COL28A1: variants seen among roughly 807,000 people sequenced by gnomAD.
COL28A1 encodes the protein collagen type XXVIII alpha 1 chain.
A neutral mutation model predicts 150.2 loss-of-function variants in COL28A1; 161 were observed. The observed-to-expected ratio is 1.07, with a 90% CI of 0.94 to 1.22. The LOEUF (loss-of-function observed/expected upper bound fraction) is 1.22, where lower values mean the gene tolerates loss of function less well. Ranked by LOEUF, COL28A1 falls within the 50% of genes most tolerant of loss-of-function variation. COL28A1 has a pLI of 0.00. For synonymous variants in COL28A1, 552 were observed against 469.7 expected (o/e 1.18, Z -2.26); for missense variants, 1,617 against 1,388.3 (o/e 1.16, Z -2.62).
chr7:7,412,715 T>C (rs1369351771), intron 27 of COL28A1, among the ~76,000 whole-genome samples: 1 of 152,064 alleles, frequency 6.6e-6, no homozygotes, highest in Non-Finnish European at 1.5e-5. Flanking sequence ...ACTCAGGAAG[T>C]GGAGAAGCCA....
At chr7:7,428,052 T>C (rs924494441) in intron 25 of COL28A1, among the ~76,000 whole-genome samples, 1 of 152,236 alleles carries the variant, frequency 6.6e-6, no homozygotes, top group African/African-American at 2.4e-5. Flanking sequence ...TTCTGGTTCT[T>C]CATTTCTTCA....
At position 7,460,333 on chromosome 7, in the gene COL28A1, A is replaced by T. The variant is rs1422918939; in HGVS notation, c.1303-4221T>A. ...TTTTAAGATAATATTTTTGAGTGGG[A>T]GCCTAGGGATGGATATACACTTCTA... On this transcript the variant is annotated intron_variant, in intron 15 of 34. Transcript: ENST00000399429. Among the ~76,000 whole-genome samples the T allele has an allele frequency of 2.0e-5, 3 of 151,964 alleles. No homozygotes were observed. In the East Asian group the frequency reaches 5.8e-4, roughly 29 times the overall value.
chr7:7,439,918 GTTT>G (rs1415058660), intron 21 of COL28A1, among the ~76,000 whole-genome samples: 1 of 152,206 alleles, frequency 6.6e-6, no homozygotes, highest in East Asian at 1.9e-4. Flanking sequence ...TACAGGTGAT[GTTT>G]TGTATCTGAT....
downstream of COL28A1, among the ~76,000 whole-genome samples, chr7:7,353,742 T>C (rs914854832): frequency 1.3e-5 from 2 of 152,108 alleles, no homozygotes; most frequent in African/African-American, 4.8e-5. Context: ...ACAACATGCT[T>C]CCATATCAGT....
At chr7:7,435,739 T>C (rs991049666) in intron 23 of COL28A1, among the ~76,000 whole-genome samples, 2 of 152,182 alleles carry the variant, frequency 1.3e-5, no homozygotes, top group Non-Finnish European at 2.9e-5. Flanking sequence ...GACAACTTAG[T>C]ATGGGAGAAT....
chr7:7,369,122 G>C (rs546991652), intron 33 of COL28A1, among the ~76,000 whole-genome samples: 1 of 152,322 alleles, frequency 6.6e-6, no homozygotes, highest in South Asian at 2.1e-4. Context: ...TGAAACCTGA[G>C]CTTGCTCTTG....
chr7:7,382,234 C>T (rs1297003942), intron 27 of COL28A1, among the ~76,000 whole-genome samples: 3 of 151,754 alleles, frequency 2.0e-5, no homozygotes, highest in African/African-American at 7.3e-5. Context: ...TGCTTGAACC[C>T]AGGAGGCAGA....
chr7:7,338,388 T>C, the COL28A1 span, among the ~76,000 whole-genome samples: 1 of 152,118 alleles, frequency 6.6e-6, no homozygotes, highest in Non-Finnish European at 1.5e-5. Flanking sequence ...GTTTTGTCGT[T>C]CTCCTTGTAA....
Position 7,532,757 on chromosome 7 carries a change from AC to A in COL28A1, c.118del (p.Val40SerfsTer8). ...AACAATTTTTTTTTTTTTACCCTGG[AC>A]ATCACTTTTCCTTGCAAGCAAATTT... ...KSNLLARKSD[V>X]QGSICFIDIV... On this transcript the variant is annotated frameshift_variant, in exon 2 of 35. Transcript: ENST00000399429. LOFTEE classifies it high-confidence loss of function. The A allele has an allele frequency of 3.7e-6, 6 of 1,604,448 alleles. No individual in the cohort carries two copies. Among genetic ancestry groups the A allele is most frequent in the Non-Finnish European group, 5.1e-6 (6 of 1,177,296 alleles).
downstream of COL28A1, chr7:7,356,701 C>A (rs7787346): frequency 6.7e-6 from 1 of 150,004 alleles, no homozygotes; most frequent in Non-Finnish European, 1.5e-5. Flanking sequence ...TGTGGGGTGG[C>A]GGGGGAGTGG....
At chr7:7,500,572 A>T (rs1250434347) in intron 11 of COL28A1, among the ~76,000 whole-genome samples, 1 of 152,208 alleles carries the variant, frequency 6.6e-6, no homozygotes, top group East Asian at 1.9e-4. Flanking sequence ...CTTGATTAGC[A>T]CACTTCCAGC....
chr7:7,542,406 A>G, the COL28A1 span, among the ~76,000 whole-genome samples: 2,299 of 152,324 alleles, frequency 0.015, 61 homozygotes, highest in African/African-American at 0.052. Context: ...TAGAGCAAAT[A>G]TGTTCATTGT....
intron 3 of COL28A1, among the ~76,000 whole-genome samples, chr7:7,530,086 A>AT (rs1562925847): frequency 6.6e-6 from 1 of 152,152 alleles, no homozygotes; most frequent in South Asian, 2.1e-4. Flanking sequence ...TTGAGAAAAT[A>AT]TTTTTTTAAA....
intron 11 of COL28A1, among the ~76,000 whole-genome samples, chr7:7,492,708 T>C (rs1011552509): frequency 6.8e-6 from 1 of 146,918 alleles, no homozygotes; most frequent in African/African-American, 2.5e-5. Context: ...AGGCTCAGGG[T>C]GATTTAAAAC....
intron 18 of COL28A1, among the ~76,000 whole-genome samples, chr7:7,447,145 T>C (rs2128325622): frequency 6.6e-6 from 1 of 152,304 alleles, no homozygotes; most frequent in Admixed American, 6.5e-5. Context: ...GTTGCTGTAG[T>C]CTTACCTAAT....
At chr7:7,452,122 T>TCA (rs1435218879) in intron 18 of COL28A1, among the ~76,000 whole-genome samples, 197 bp downstream of exon 18, 2 of 152,202 alleles carry the variant, frequency 1.3e-5, no homozygotes, top group African/African-American at 4.8e-5. Context: ...AGCAGCACTG[T>TCA]CCAAGAGGAA....
rs1279214868 is a variant in COL28A1 at position 7,531,752 on chromosome 7, G to C, written c.277C>G (p.Leu93Val). The C allele has an allele frequency of 1.2e-6, 2 of 1,609,466 alleles. No homozygotes were observed. The highest frequency in any genetic ancestry group is 8.5e-7 in the Non-Finnish European group (1 of 1,175,810). Residue 93 changes from leucine to valine, a missense_variant, in exon 3 of 35, where the codon CTG becomes GTG. Physicochemically the swap from Leu to Val is conservative, Grantham distance 32. Coordinates refer to ENST00000399429, the MANE Select transcript of COL28A1 (RefSeq NM_001037763.3). ...PGRSLEYDIKLAALQFSSSVQ... is the reference protein window; with the variant it reads ...PGRSLEYDIKVAALQFSSSVQ... ...GAGCTGCTAAACTGAAGGGCTGCCA[G>C]TTTGATGTCATATTCCAAGGAGCGA...
intron 33 of COL28A1, among the ~76,000 whole-genome samples, chr7:7,363,378 C>T (rs1369317072): frequency 6.6e-6 from 1 of 152,118 alleles, no homozygotes; most frequent in Non-Finnish European, 1.5e-5. Context: ...TATCTGTTAA[C>T]ATTACTCCAC....
chr7:7,410,721 A>G (rs923316237), intron 27 of COL28A1, among the ~76,000 whole-genome samples: 1 of 152,126 alleles, frequency 6.6e-6, no homozygotes, highest in Non-Finnish European at 1.5e-5. Context: ...CCAAAGTCAT[A>G]ATATTAAAAT....
Sources: allele counts gnomAD v4.1 joint callset (sites outside exome capture counted in the v4.1 genomes callset), GRCh38; gene constraint gnomAD v4.1.1; transcripts MANE v1.5; gene names NCBI Gene and HGNC (gene_info 2026-07-23, HGNC 2026-07-21).